Variants in MARCHF8 observed in about 807,000 individuals in gnomAD.
The protein encoded by MARCHF8 is membrane associated ring-CH-type finger 8, also known as E3 ubiquitin-protein ligase MARCHF8.
In MARCHF8, 40 loss-of-function variants were observed where a neutral mutation model predicts 51.6. The ratio of observed to expected loss-of-function variants is 0.77; its 90% CI spans 0.60 to 1.01. The LOEUF is 1.01. Ranked by LOEUF, MARCHF8 falls within the 50% of genes least tolerant of loss-of-function variation. MARCHF8 has a pLI of 0.00. For synonymous variants in MARCHF8, 263 were observed against 280.3 expected (o/e 0.94, Z 0.62); for missense variants, 685 against 708.6 (o/e 0.97, Z 0.38).
intron 2 of MARCHF8, among the ~76,000 whole-genome samples, chr10:45,497,387 C>T (rs2043192541): frequency 1.3e-5 from 2 of 152,068 alleles, no homozygotes; most frequent in African/African-American, 4.8e-5. Context: ...CAATGAACAG[C>T]CGAGCTATGT....
At chr10:45,465,516 C>T (rs988909968) in intron 3 of MARCHF8, among the ~76,000 whole-genome samples, 2 of 152,208 alleles carry the variant, frequency 1.3e-5, no homozygotes, top group Non-Finnish European at 2.9e-5. Context: ...TTGGGACCCC[C>T]GACCCTTGGT....
At chr10:45,520,702 T>C (rs963552342) in intron 2 of MARCHF8, among the ~76,000 whole-genome samples, 10 of 152,186 alleles carry the variant, frequency 6.6e-5, no homozygotes, top group Admixed American at 5.9e-4. Context: ...GTGAAGCAAA[T>C]ACCAATGTGA....
chr10:45,502,585 C>CAA (rs1486786660), intron 2 of MARCHF8, among the ~76,000 whole-genome samples: 2 of 152,146 alleles, frequency 1.3e-5, no homozygotes, highest in Non-Finnish European at 2.9e-5. Flanking sequence ...AACAATGATT[C>CAA]AAATGACTGT....
intron 2 of MARCHF8, among the ~76,000 whole-genome samples, chr10:45,497,209 T>C (rs762498627): frequency 6.6e-6 from 1 of 152,094 alleles, no homozygotes; most frequent in African/African-American, 2.4e-5. Flanking sequence ...AAAATTTTAC[T>C]AGAGCTAAAG....
chr10:45,584,168 T>TATATATATATATA (rs2044591572), intron 1 of MARCHF8, among the ~76,000 whole-genome samples: 1 of 91,072 alleles, frequency 1.1e-5, no homozygotes, highest in Non-Finnish European at 2.3e-5. Flanking sequence ...TATATATATA[T>TATATATATATATA]CAAGAAATTC....
intron 1 of MARCHF8, among the ~76,000 whole-genome samples, chr10:45,571,489 G>C (rs561046917): frequency 3.2e-4 from 49 of 152,094 alleles, no homozygotes; most frequent in Non-Finnish European, 2.2e-4. Flanking sequence ...TTTGGACTCA[G>C]CCCACCTGCA....
At chr10:45,544,961 C>T (rs1042250280) in intron 1 of MARCHF8, among the ~76,000 whole-genome samples, 3 of 152,150 alleles carry the variant, frequency 2.0e-5, no homozygotes, top group African/African-American at 7.2e-5. Flanking sequence ...TCAGTCCCCT[C>T]AGACCTCCCA....
At position 45,458,501 on chromosome 10, in the gene MARCHF8, G is replaced by A. The variant is rs1223580960; in HGVS notation, c.1460C>T (p.Ala487Val). 5 of 1,610,460 alleles carry A rather than the reference G, an allele frequency of 3.1e-6. No homozygotes were observed. The highest frequency in any genetic ancestry group is 4.2e-6 in the Non-Finnish European group (5 of 1,178,724). The change falls in exon 8 of 8, where the codon GCC (alanine) becomes GTC (valine). Residue 487 changes from alanine to valine, a missense_variant. Ala to Val is a moderately conservative substitution (Grantham distance 64). Coordinates refer to ENST00000453424, the MANE Select transcript of MARCHF8 (RefSeq NM_001282866.2). The stretch of plus-strand genomic sequence containing the variant: ...AAGAAGTCCTCCGGTGAAGCCGATG[G>A]CCACAACCACCAATTTAGTCCAAAA... ...WPFWTKLVVV[A>V]IGFTGGLLFM...
chr10:45,533,337 T>A, intron 1 of MARCHF8, 48 bp from the exon 2 acceptor site: 1 of 1,211,998 alleles, frequency 8.3e-7, no homozygotes, highest in Non-Finnish European at 1.1e-6. Context: ...TAAAACACTT[T>A]AAATTTCCAA....
chr10:45,521,440 C>A (rs752622809), intron 2 of MARCHF8, among the ~76,000 whole-genome samples: 2 of 152,136 alleles, frequency 1.3e-5, no homozygotes, highest in Non-Finnish European at 2.9e-5. Flanking sequence ...CGAAAACTAG[C>A]TGCTCAGAAA....
intron 3 of MARCHF8, among the ~76,000 whole-genome samples, chr10:45,475,255 C>T (rs1000176506): frequency 3.3e-5 from 5 of 152,322 alleles, no homozygotes; most frequent in Admixed American, 6.5e-5. Context: ...ACTCCCTAGC[C>T]GCTGGCATAC....
chr10:45,553,890 TAGAG>T (rs2044224072), intron 1 of MARCHF8, among the ~76,000 whole-genome samples: 1 of 151,858 alleles, frequency 6.6e-6, no homozygotes, highest in South Asian at 2.1e-4. Context: ...GGAAAAAAAA[TAGAG>T]GGAACCACAA....
At chr10:45,508,612 T>C (rs2043433106) in intron 2 of MARCHF8, among the ~76,000 whole-genome samples, 1 of 152,192 alleles carries the variant, frequency 6.6e-6, no homozygotes, top group African/African-American at 2.4e-5. Flanking sequence ...ACTATGGAGA[T>C]GGAGTTTCAT....
Position 45,494,537 on chromosome 10 carries a change from C to T in MARCHF8, c.103-5120G>A, listed in dbSNP as rs1422099003. ...AAAAGAACCCTGACTTTGTCCTGAG[C>T]AGCAACAAACCCAGCTAAAAGTTCT... On this transcript the variant is annotated intron_variant, in intron 2 of 7. Coordinates refer to ENST00000453424, the MANE Select transcript of MARCHF8 (RefSeq NM_001282866.2). Among the ~76,000 whole-genome samples the T allele has an allele frequency of 5.9e-5, 9 of 152,322 alleles. 1 individual carries two copies. The South Asian group carries it at 1.2e-3, about 21-fold the overall frequency.
intron 2 of MARCHF8, 128 bp from the exon 3 acceptor site, chr10:45,489,545 T>C: frequency 6.5e-6 from 5 of 766,378 alleles, no homozygotes; most frequent in Non-Finnish European, 8.8e-6. Flanking sequence ...CACAACCTAC[T>C]ATATACTAGA....
chr10:45,584,857 C>A (rs771113271), intron 1 of MARCHF8, among the ~76,000 whole-genome samples: 3 of 152,164 alleles, frequency 2.0e-5, no homozygotes, highest in Non-Finnish European at 4.4e-5. Flanking sequence ...AAGAGGATCA[C>A]AAGGCAAGAA....
At chr10:45,458,920 G>A (rs1329264598) in intron 7 of MARCHF8, among the ~76,000 whole-genome samples, 200 bp downstream of exon 7, 1 of 152,198 alleles carries the variant, frequency 6.6e-6, no homozygotes, top group African/African-American at 2.4e-5. Context: ...TCATGCTCCA[G>A]AATATGAACT....
rs183839750 is a variant in MARCHF8 at position 45,457,739 on chromosome 10, G to A, written c.*500C>T. 1.3e-3 allele frequency: 204 copies of A among 153,952 alleles called. 1 individual carries two copies. Among genetic ancestry groups the A allele is most frequent in the African/African-American group, 4.2e-3 (173 of 41,570 alleles). 9.5% of individuals were successfully genotyped at this position (153,952 alleles called of 1,614,324 possible). ...TCAAGAGCATGGAGGAGGCAGCATC[G>A]GCAGAGGGCAGGCAGGAGTCTGTGT... is the stretch of plus-strand genomic sequence containing the variant. On this transcript the variant is annotated 3_prime_UTR_variant, in exon 8 of 8. Transcript: ENST00000453424.
At chr10:45,565,151 A>G (rs192974919) in intron 1 of MARCHF8, among the ~76,000 whole-genome samples, 1 of 152,152 alleles carries the variant, frequency 6.6e-6, no homozygotes, top group African/African-American at 2.4e-5. Context: ...CATAAAATAC[A>G]TGACAGTAGG....
Sources: gnomAD v4.1 joint callset for allele counts (sites outside exome capture counted in the v4.1 genomes callset) on GRCh38, gnomAD v4.1.1 for gene constraint, MANE v1.5 for transcripts, NCBI Gene and HGNC (gene_info 2026-07-23, HGNC 2026-07-21) for gene names.